The following GPC5 variants were observed in gnomAD, a reference collection of about 807,000 sequenced individuals.
GPC5 encodes glypican 5.
In GPC5, 47 loss-of-function variants were observed where a neutral mutation model predicts 53.9. That is an observed-to-expected ratio of 0.87 (90% CI 0.69 to 1.11). GPC5 has a LOEUF of 1.11. Ranked by LOEUF, GPC5 falls within the 50% of genes most tolerant of loss-of-function variation. The pLI is 0.00. For missense variants in GPC5, 748 were observed against 713.1 expected (o/e 1.05, Z -0.56); for synonymous variants, 286 against 263.3 (o/e 1.09, Z -0.84).
chr13:91,808,367 T>C (rs1289507850), intron 5 of GPC5, among the ~76,000 whole-genome samples: 1 of 152,094 alleles, frequency 6.6e-6, no homozygotes, highest in Non-Finnish European at 1.5e-5. Context: ...TCTTGGTCAT[T>C]TTTATGGGTT....
chr13:91,513,697 C>T (rs958573599), intron 2 of GPC5, among the ~76,000 whole-genome samples: 3 of 152,092 alleles, frequency 2.0e-5, no homozygotes, highest in Non-Finnish European at 2.9e-5. Context: ...GCTAAGATCA[C>T]ATTGCTGCAC....
At chr13:91,852,175 TTTTAA>T (rs1473946376) in intron 5 of GPC5, among the ~76,000 whole-genome samples, 1 of 152,062 alleles carries the variant, frequency 6.6e-6, no homozygotes, top group Non-Finnish European at 1.5e-5. Flanking sequence ...GCATTAGTTG[TTTTAA>T]TTTTTTTCTT....
chr13:92,853,820 C>T (rs1254972962), intron 7 of GPC5, among the ~76,000 whole-genome samples: 3 of 152,026 alleles, frequency 2.0e-5, no homozygotes, highest in African/African-American at 7.2e-5. Context: ...ATGAAAAGGG[C>T]CCAGCGAGAT....
intron 7 of GPC5, among the ~76,000 whole-genome samples, chr13:92,499,743 C>T (rs867630334): frequency 3.9e-5 from 6 of 152,114 alleles, no homozygotes; most frequent in African/African-American, 7.2e-5. Flanking sequence ...TTAGCTAACT[C>T]GGTAGGGAAA....
At chr13:91,422,518 C>A (rs1177350656) in intron 1 of GPC5, among the ~76,000 whole-genome samples, 1 of 152,126 alleles carries the variant, frequency 6.6e-6, no homozygotes, top group Admixed American at 6.5e-5. Flanking sequence ...TGCCTGTAAT[C>A]CCAGCTATTC....
chr13:92,313,861 C>T (rs1164405279), intron 7 of GPC5, among the ~76,000 whole-genome samples: 1 of 152,130 alleles, frequency 6.6e-6, no homozygotes, highest in African/African-American at 2.4e-5. Context: ...CATTTTAGCA[C>T]CAGAATGCTA....
At chr13:92,015,587 C>CA (rs1182464855) in intron 6 of GPC5, among the ~76,000 whole-genome samples, 2 of 152,030 alleles carry the variant, frequency 1.3e-5, no homozygotes, top group African/African-American at 2.4e-5. Flanking sequence ...TAGTAAAACT[C>CA]AAAGAGATCA....
At chr13:91,920,115 C>G (rs757122061) in intron 6 of GPC5, among the ~76,000 whole-genome samples, 5 of 151,736 alleles carry the variant, frequency 3.3e-5, no homozygotes, top group African/African-American at 4.8e-5. Context: ...AATGTAAATG[C>G]AAAGGGAAAA....
intron 6 of GPC5, among the ~76,000 whole-genome samples, chr13:92,086,721 C>G (rs1343147874): frequency 2.6e-5 from 4 of 151,756 alleles, no homozygotes; most frequent in Admixed American, 2.6e-4. Context: ...TGCAGTGGAG[C>G]AATCTTGGCT....
At chr13:92,491,212 G>A (rs994786879) in intron 7 of GPC5, among the ~76,000 whole-genome samples, 3 of 152,004 alleles carry the variant, frequency 2.0e-5, no homozygotes, top group East Asian at 1.9e-4. Flanking sequence ...TCCTTGATAT[G>A]TGAAGTGCTA....
chr13:91,999,016 A>G (rs940295899), intron 6 of GPC5, among the ~76,000 whole-genome samples: 10 of 152,198 alleles, frequency 6.6e-5, no homozygotes, highest in Admixed American at 6.5e-5. Context: ...TTCTAGCTCA[A>G]TAGGCTTTGC....
intron 7 of GPC5, among the ~76,000 whole-genome samples, chr13:92,526,656 T>G (rs1008581464): frequency 6.6e-6 from 1 of 151,888 alleles, no homozygotes; most frequent in South Asian, 2.1e-4. Context: ...TTTAGGGGGA[T>G]GGATACCAAG....
chr13:92,444,644 G>A (rs1185076376), intron 7 of GPC5, among the ~76,000 whole-genome samples: 1 of 147,894 alleles, frequency 6.8e-6, no homozygotes, highest in Non-Finnish European at 1.5e-5. Context: ...GAAAACCTAG[G>A]AGAGTAATAA....
intron 2 of GPC5, among the ~76,000 whole-genome samples, chr13:91,637,351 T>A (rs2034309898): frequency 6.6e-6 from 1 of 152,236 alleles, no homozygotes; most frequent in South Asian, 2.1e-4. Context: ...AGGGATAAAT[T>A]CATGCGAGAG....
intron 7 of GPC5, among the ~76,000 whole-genome samples, chr13:92,210,319 C>G (rs918550088): frequency 1.3e-5 from 2 of 152,062 alleles, no homozygotes; most frequent in Non-Finnish European, 2.9e-5. Context: ...ATTCTGATTT[C>G]CTACTAAATG....
chr13:92,736,262 C>A (rs1364764399), intron 7 of GPC5, among the ~76,000 whole-genome samples: 1 of 151,830 alleles, frequency 6.6e-6, no homozygotes, highest in Non-Finnish European at 1.5e-5. Context: ...TGTTTTTCAC[C>A]CAAATATATT....
At chr13:92,237,134 G>T (rs2042576412) in intron 7 of GPC5, among the ~76,000 whole-genome samples, 1 of 152,132 alleles carries the variant, frequency 6.6e-6, no homozygotes, top group South Asian at 2.1e-4. Context: ...GAGCTCAGAT[G>T]TCATTGCAAA....
chr13:92,819,207 C>T (rs1877591603), intron 7 of GPC5, among the ~76,000 whole-genome samples: 1 of 151,912 alleles, frequency 6.6e-6, no homozygotes, highest in Non-Finnish European at 1.5e-5. Flanking sequence ...TATAGCATAG[C>T]AAAAATTTTT....
At chr13:91,607,816 A>G (rs2033421856) in intron 2 of GPC5, among the ~76,000 whole-genome samples, 1 of 152,218 alleles carries the variant, frequency 6.6e-6, no homozygotes, top group African/African-American at 2.4e-5. Flanking sequence ...AGCATGTAAT[A>G]AATTAAGGCG....
Sources: gnomAD v4.1 joint callset for allele counts (sites outside exome capture counted in the v4.1 genomes callset) on GRCh38, gnomAD v4.1.1 for gene constraint, MANE v1.5 for transcripts, NCBI Gene and HGNC (gene_info 2026-07-23, HGNC 2026-07-21) for gene names.